Variants in LIPK observed in about 807,000 individuals in gnomAD.
The protein encoded by LIPK is lipase family member K.
Under a neutral mutation model 48.6 loss-of-function variants are expected in LIPK, and 32 were observed. That is an observed-to-expected ratio of 0.66 (90% confidence interval 0.50 to 0.88). The LOEUF is 0.88. Among genes scored for constraint, LIPK ranks in the 40% least tolerant of loss-of-function variants. LIPK has a pLI of 0.00. For synonymous variants in LIPK, 164 were observed against 157.4 expected (o/e 1.04, Z -0.32); for missense variants, 507 against 478.5 (o/e 1.06, Z -0.56).
At chr10:88,741,705 T>C (rs1178023616) in intron 8 of LIPK, among the ~76,000 whole-genome samples, 1 of 152,030 alleles carries the variant, frequency 6.6e-6, no homozygotes, top group African/African-American at 2.4e-5. Context: ...GTAATACTAG[T>C]GAAAAAAAGC....
At chr10:88,712,197 T>C (rs1373452519) in intron 1 of LIPK, among the ~76,000 whole-genome samples, 4 of 152,330 alleles carry the variant, frequency 2.6e-5, no homozygotes, top group South Asian at 4.1e-4. Flanking sequence ...TTCTGCTCAA[T>C]GTATTTCTCA....
intron 6 of LIPK, among the ~76,000 whole-genome samples, chr10:88,733,114 G>C (rs1292197435): frequency 1.3e-5 from 2 of 152,152 alleles, no homozygotes; most frequent in Non-Finnish European, 2.9e-5. Context: ...GTTAACAATT[G>C]TTTTTGTTAT....
chr10:88,724,455 T>C (rs1842292786), intron 1 of LIPK, 78 bp from the exon 2 acceptor site: 2 of 777,086 alleles, frequency 2.6e-6, no homozygotes, highest in Admixed American at 2.5e-5. Flanking sequence ...CTCATAGCAG[T>C]GTTATAAAAA....
chr10:88,717,721 T>A (rs1842146766), intron 1 of LIPK, among the ~76,000 whole-genome samples: 1 of 152,162 alleles, frequency 6.6e-6, no homozygotes, highest in Non-Finnish European at 1.5e-5. Flanking sequence ...ATAAAATTCC[T>A]GCTAATATCT....
chr10:88,727,788 C>T, intron 3 of LIPK: 1 of 300,416 alleles, frequency 3.3e-6, no homozygotes, highest in Non-Finnish European at 6.6e-6. Context: ...AACATCCATG[C>T]TGTGAACACC....
chr10:88,736,703 C>G (rs747646196), intron 6 of LIPK, among the ~76,000 whole-genome samples: 12 of 152,212 alleles, frequency 7.9e-5, no homozygotes, highest in Admixed American at 2.6e-4. Flanking sequence ...AATTAAAATA[C>G]GGTGTTAAGA....
intron 1 of LIPK, among the ~76,000 whole-genome samples, chr10:88,715,323 A>T (rs979876363): frequency 2.6e-5 from 4 of 152,112 alleles, no homozygotes; most frequent in African/African-American, 4.8e-5. Flanking sequence ...TTGGATGCCT[A>T]CATATTTAGG....
rs137895599 is a variant in LIPK, at chr10:88,709,257, A to G, written c.-12+2937A>G. Among the ~76,000 whole-genome samples, 4 of 152,316 alleles carry G rather than the reference A, an allele frequency of 2.6e-5. No individual in the cohort carries two copies. In the East Asian group the frequency reaches 7.7e-4, roughly 29 times the overall value. ...CTCTTTATGAAGCTCTGTGTCACAA[A>G]TCACATAGTGATGCATCAACAAAAA... On this transcript the variant is annotated intron_variant, in intron 1 of 9. Transcript: ENST00000404190.
chr10:88,725,443 T>C (rs1842318826), intron 2 of LIPK, among the ~76,000 whole-genome samples: 1 of 152,204 alleles, frequency 6.6e-6, no homozygotes, highest in African/African-American at 2.4e-5. Flanking sequence ...ATATTACATA[T>C]AATCCTCACA....
chr10:88,725,700 G>C (rs1215396879), intron 2 of LIPK, among the ~76,000 whole-genome samples: 4 of 152,080 alleles, frequency 2.6e-5, no homozygotes, highest in Admixed American at 1.3e-4. Flanking sequence ...CATCTCAAAG[G>C]CCTCTTATAA....
chr10:88,746,601 T>C (rs906116773), intron 9 of LIPK, among the ~76,000 whole-genome samples: 1 of 152,118 alleles, frequency 6.6e-6, no homozygotes, highest in Non-Finnish European at 1.5e-5. Context: ...CCAGAATCTC[T>C]GGGACACAGC....
intron 4 of LIPK, 141 bp downstream of exon 4, chr10:88,731,322 C>A: frequency 1.4e-6 from 1 of 702,372 alleles, no homozygotes; most frequent in Non-Finnish European, 2.2e-6. Flanking sequence ...TTTCTCTACC[C>A]AAACTTTCTT....
intron 1 of LIPK, among the ~76,000 whole-genome samples, chr10:88,718,515 T>C (rs971071140): frequency 6.6e-6 from 1 of 151,878 alleles, no homozygotes; most frequent in Admixed American, 6.6e-5. Flanking sequence ...AACCTGCATA[T>C]ACAAGAAATT....
chr10:88,749,980 TTAAAAAGTTAGCAAAGTAC>T (rs1437027040), intron 9 of LIPK, among the ~76,000 whole-genome samples: 7 of 152,040 alleles, frequency 4.6e-5, no homozygotes, highest in African/African-American at 1.7e-4. Context: ...AACACCCCCA[TTAAAAAGTTAGCAAAGTAC>T]ATGAACAAAC....
At chr10:88,725,343 C>T (rs1842316273) in intron 2 of LIPK, among the ~76,000 whole-genome samples, 1 of 152,182 alleles carries the variant, frequency 6.6e-6, no homozygotes, top group African/African-American at 2.4e-5. Flanking sequence ...ATTTTTCTCT[C>T]TCTAGCATGA....
chr10:88,720,434 T>A lies in LIPK; in HGVS notation c.-11-4099T>A, dbSNP rs1323008691. Among the ~76,000 whole-genome samples, 3 of 152,146 alleles carry A rather than the reference T, an allele frequency of 2.0e-5. No homozygotes were observed. In the East Asian group the frequency reaches 5.8e-4, roughly 29 times the overall value. ...ACTATTTGGTACTAGGTTTAGTACCTGGGCAACGAAATACTCTGTGCAACC... is the reference window on the plus strand; with the variant it reads ...ACTATTTGGTACTAGGTTTAGTACCAGGGCAACGAAATACTCTGTGCAACC... On this transcript the variant is annotated intron_variant, in intron 1 of 9. Coordinates refer to ENST00000404190, the MANE Select transcript of LIPK (RefSeq NM_001080518.2).
intron 1 of LIPK, among the ~76,000 whole-genome samples, chr10:88,711,033 ATTTC>A (rs1251884691): frequency 1.3e-5 from 2 of 152,078 alleles, no homozygotes; most frequent in African/African-American, 4.8e-5. Context: ...TTAACTTTGC[ATTTC>A]TTTCTGATGA....
chr10:88,732,576 C>A (rs751087794), intron 6 of LIPK, 25 bp downstream of exon 6: 5 of 1,577,620 alleles, frequency 3.2e-6, no homozygotes, highest in Non-Finnish European at 4.3e-6. Context: ...AAGTTTTAAT[C>A]TGAAATAACT....
At chr10:88,707,457 G>C (rs1452023737) in intron 1 of LIPK, among the ~76,000 whole-genome samples, 1 of 152,036 alleles carries the variant, frequency 6.6e-6, no homozygotes, top group Non-Finnish European at 1.5e-5. Context: ...CAATCTTTCA[G>C]ACCCTATTTT....
Sources: allele counts gnomAD v4.1 joint callset (sites outside exome capture counted in the v4.1 genomes callset), GRCh38; gene constraint gnomAD v4.1.1; transcripts MANE v1.5; gene names NCBI Gene and HGNC (gene_info 2026-07-23, HGNC 2026-07-21).